The following EFHC2 variants were observed in gnomAD, a reference collection of about 807,000 sequenced individuals.
EFHC2 encodes EF-hand domain containing 2.
A neutral mutation model predicts 52.7 loss-of-function variants in EFHC2; 18 were observed. The ratio of observed to expected loss-of-function variants is 0.34; its 90% CI spans 0.24 to 0.51. The LOEUF (loss-of-function observed/expected upper bound fraction) is 0.51, where lower values mean the gene tolerates loss of function less well. EFHC2 is among the 20% of genes least tolerant of loss of function. The pLI is 0.97. For synonymous variants in EFHC2, 203 were observed against 204.1 expected (o/e 0.99, Z 0.04); for missense variants, 513 against 562.5 (o/e 0.91, Z 0.89).
chrX:44,311,302 G>A (rs1360386450), intron 2 of EFHC2, among the ~76,000 whole-genome samples: 1 of 111,865 alleles, frequency 8.9e-6, no homozygotes, highest in African/African-American at 3.3e-5. Flanking sequence ...AAAAAAATGT[G>A]CACTCTAATT....
chrX:44,336,595 T>C (rs1229887597), intron 1 of EFHC2, among the ~76,000 whole-genome samples: 1 of 111,637 alleles, frequency 9.0e-6, no homozygotes, highest in East Asian at 2.8e-4. Context: ...TACATAAAAG[T>C]AAGCATCCTG....
chrX:44,240,174 T>G (rs1411535935), intron 8 of EFHC2, among the ~76,000 whole-genome samples: 1 of 112,255 alleles, frequency 8.9e-6, no homozygotes, highest in Non-Finnish European at 1.9e-5. Flanking sequence ...TTTAAAACCT[T>G]GGGTTATTCA....
Position 44,232,491 on chromosome X carries a change from T to C in EFHC2, c.1610A>G (p.Asn537Ser), listed in dbSNP as rs771239998. The change falls in exon 10 of 15, where the codon AAT becomes AGT. Residue 537 changes from asparagine (N) to serine (S), a missense_variant. Transcript: ENST00000420999. ...ACAAAGTAAATTCACCTTATCTGTA[T>C]TCTGCTCCATGTAGTTTAAGGTATA... ...DEYTLNYMEQ[N>S]TDKYPFSNLK... 31 of 1,117,042 alleles carry C rather than the reference T, an allele frequency of 2.8e-5. No homozygotes were observed. The East Asian group carries it at 9.5e-4, about 34-fold the overall frequency. 92.1% of individuals were successfully genotyped at this position (1,117,042 alleles called of 1,213,427 possible).
At chrX:44,325,010 AACAC>A (rs1338614936) in intron 1 of EFHC2, among the ~76,000 whole-genome samples, 1 of 112,341 alleles carries the variant, frequency 8.9e-6, no homozygotes, top group African/African-American at 3.2e-5. Flanking sequence ...AAAACAACAA[AACAC>A]ACACACTTTT....
chrX:44,287,962 T>C (rs1291201452), intron 2 of EFHC2, among the ~76,000 whole-genome samples: 1 of 112,381 alleles, frequency 8.9e-6, no homozygotes, highest in Non-Finnish European at 1.9e-5. Context: ...GGGATTTGCT[T>C]TTTCAGTTGG....
At chrX:44,287,565 A>G (rs1376539818) in intron 2 of EFHC2, among the ~76,000 whole-genome samples, 1 of 112,687 alleles carries the variant, frequency 8.9e-6, no homozygotes, top group Non-Finnish European at 1.9e-5. Context: ...TCATGTTACT[A>G]GTAAAATCTT....
chrX:44,317,439 C>A lies in EFHC2; in HGVS notation c.43-4683G>T, dbSNP rs191564707. 1.8e-4 allele frequency among the ~76,000 whole-genome samples: 20 copies of A among 112,629 alleles called. No homozygotes were observed. In the East Asian group the frequency reaches 4.2e-3, roughly 23 times the overall value. Reference sequence around the variant, plus strand: ...CCAAAGAAGATATACAAATGGCCAACAAGCACATGAAAATATGTCCAATGC... The same window carrying A: ...CCAAAGAAGATATACAAATGGCCAAAAAGCACATGAAAATATGTCCAATGC... On this transcript the variant is annotated intron_variant, in intron 1 of 14. Coordinates refer to ENST00000420999, the MANE Select transcript of EFHC2 (RefSeq NM_025184.4).
chrX:44,305,729 C>A (rs985859558), intron 2 of EFHC2, among the ~76,000 whole-genome samples: 1 of 111,747 alleles, frequency 8.9e-6, no homozygotes, highest in African/African-American at 3.3e-5. Flanking sequence ...AACTACAAGT[C>A]CAAAGAGAGG....
At chrX:44,211,876 A>G (rs1223280591) in intron 11 of EFHC2, among the ~76,000 whole-genome samples, 2 of 107,714 alleles carry the variant, frequency 1.9e-5, no homozygotes, top group Admixed American at 2.0e-4. Context: ...CAAAAAAAAA[A>G]AAAAAAAAAG....
chrX:44,232,729 G>A (rs965499474), intron 9 of EFHC2, 52 bp from the exon 10 acceptor site: 3 of 1,078,386 alleles, frequency 2.8e-6, no homozygotes, highest in African/African-American at 3.7e-5. Context: ...AAAGAACCAC[G>A]TGACTTGCCT....
intron 11 of EFHC2, among the ~76,000 whole-genome samples, chrX:44,190,005 C>T (rs2036907649): frequency 9.0e-6 from 1 of 111,583 alleles, no homozygotes; most frequent in Admixed American, 9.5e-5. Flanking sequence ...GCCTTGATTC[C>T]CTCCTTAACT....
chrX:44,301,652 C>T (rs2037869998), intron 2 of EFHC2, among the ~76,000 whole-genome samples: 2 of 111,933 alleles, frequency 1.8e-5, no homozygotes, highest in Admixed American at 1.9e-4. Flanking sequence ...CAGTTTAAAA[C>T]ATTTCTATCA....
At chrX:44,333,890 T>A (rs956155263) in intron 1 of EFHC2, among the ~76,000 whole-genome samples, 1 of 111,570 alleles carries the variant, frequency 9.0e-6, no homozygotes, top group East Asian at 2.8e-4. Context: ...GTCTTGAACA[T>A]GGTTACATGT....
intron 2 of EFHC2, among the ~76,000 whole-genome samples, chrX:44,308,580 G>A: frequency 9.0e-6 from 1 of 111,187 alleles, no homozygotes; most frequent in East Asian, 2.8e-4. Context: ...CTTGCCCTGA[G>A]AGATTCCTTT....
At chrX:44,298,491 G>A (rs563014916) in intron 2 of EFHC2, among the ~76,000 whole-genome samples, 2 of 111,803 alleles carry the variant, frequency 1.8e-5, no homozygotes, top group South Asian at 7.5e-4. Flanking sequence ...AGGCAACAGA[G>A]ACGTCTAGAC....
intron 11 of EFHC2, among the ~76,000 whole-genome samples, chrX:44,185,326 C>T (rs2036865797): frequency 9.0e-6 from 1 of 111,687 alleles, no homozygotes; most frequent in African/African-American, 3.3e-5. Context: ...TTCTTTTATA[C>T]AATGAATAGA....
At chrX:44,262,532 A>AAAAG in intron 3 of EFHC2, among the ~76,000 whole-genome samples, 1 of 82,012 alleles carries the variant, frequency 1.2e-5, no homozygotes, top group Non-Finnish European at 2.2e-5. Flanking sequence ...AAAAAAAAAA[A>AAAAG]AAAGAAAAGA....
In EFHC2 at chrX:44,312,664, T is replaced by C; in HGVS notation, c.135A>G (p.Gly45=). 8.3e-7 allele frequency: 1 copy of C among 1,210,096 alleles called. No individual in the cohort carries two copies. Among genetic ancestry groups the C allele is most frequent in the South Asian group, 1.8e-5 (1 of 56,592 alleles). ...LVSDEKPGIG[G]EPLLGQKIKP... ...TTATCTTTTGCCCCAGAAGTGGTTC[T>C]CCACCTATTCCAGGCTTTTCATCAC... The change falls in exon 2 of 15, where the codon GGA becomes GGG. Residue 45 remains glycine (G), a synonymous_variant. Transcript: ENST00000420999.
At chrX:44,155,011 T>C (rs964940807) in intron 14 of EFHC2, among the ~76,000 whole-genome samples, 1 of 112,053 alleles carries the variant, frequency 8.9e-6, no homozygotes, top group African/African-American at 3.2e-5. Flanking sequence ...ATCCAGAGTC[T>C]CCAAGTCACT....
Sources: gnomAD v4.1 joint callset for allele counts (sites outside exome capture counted in the v4.1 genomes callset) on GRCh38, gnomAD v4.1.1 for gene constraint, MANE v1.5 for transcripts, NCBI Gene and HGNC (gene_info 2026-07-23, HGNC 2026-07-21) for gene names.